The following ZFAND4 variants were observed in gnomAD, a reference collection of about 807,000 sequenced individuals.
The protein encoded by ZFAND4 is AN1-type zinc finger protein 4.
A neutral mutation model predicts 64.4 loss-of-function variants in ZFAND4; 43 were observed. That is an observed-to-expected ratio of 0.67 (90% CI 0.52 to 0.86). The LOEUF is 0.86. Among genes scored for constraint, ZFAND4 ranks in the 40% least tolerant of loss-of-function variants. The probability of loss-of-function intolerance (pLI) is 0.00; values close to 1 mark genes in which losing one functional copy is unlikely to be tolerated. For missense variants in ZFAND4, 929 were observed against 859.8 expected (o/e 1.08, Z -1.01); for synonymous variants, 296 against 305.7 (o/e 0.97, Z 0.33).
At chr10:45,628,671 G>A (rs1040205793) in intron 6 of ZFAND4, among the ~76,000 whole-genome samples, 3 of 152,122 alleles carry the variant, frequency 2.0e-5, no homozygotes, top group African/African-American at 4.8e-5. Flanking sequence ...CTTCTGGGCT[G>A]TTGAAATTAA....
rs534882632 is a variant in ZFAND4, at chr10:45,665,315, G to A, written c.-117-1473C>T. On this transcript the variant is annotated intron_variant, in intron 1 of 9. Coordinates refer to ENST00000344646, the MANE Select transcript of ZFAND4 (RefSeq NM_174890.4). The stretch of plus-strand genomic sequence containing the variant: ...AGCACGTTGGGAGGCCGAGGTGGGC[G>A]GATCACCTGAGGTCAGGAGTTCGAG... 2.5e-3 allele frequency among the ~76,000 whole-genome samples: 373 copies of A among 152,156 alleles called. 2 individuals carry two copies. Among genetic ancestry groups the A allele is most frequent in the Middle Eastern group, 0.01 (3 of 294 alleles).
At chr10:45,637,655 C>G (rs2046702489) in intron 6 of ZFAND4, among the ~76,000 whole-genome samples, 1 of 151,988 alleles carries the variant, frequency 6.6e-6, no homozygotes, top group Non-Finnish European at 1.5e-5. Context: ...GAGGCTGGGG[C>G]AGAAGAATTG....
chr10:45,652,475 C>T (rs917752591), intron 3 of ZFAND4, among the ~76,000 whole-genome samples: 2 of 152,026 alleles, frequency 1.3e-5, no homozygotes, highest in East Asian at 1.9e-4. Flanking sequence ...CTTTTCTTAA[C>T]AAAAGAGTGA....
At chr10:45,650,915 G>A (rs1564613562) in intron 4 of ZFAND4, 1 of 152,030 alleles carries the variant, frequency 6.6e-6, no homozygotes, top group Non-Finnish European at 1.5e-5. Flanking sequence ...TATTAACTTT[G>A]TTTTTCTCTA....
chr10:45,670,270 A>C (rs1399590259), intron 1 of ZFAND4, among the ~76,000 whole-genome samples: 1 of 146,342 alleles, frequency 6.8e-6, no homozygotes, highest in African/African-American at 2.6e-5. Flanking sequence ...TTTGTTGCCC[A>C]GGCTGGAGTG....
At chr10:45,619,255 G>A (rs924189150) in intron 8 of ZFAND4, among the ~76,000 whole-genome samples, 7 of 144,396 alleles carry the variant, frequency 4.8e-5, no homozygotes, top group African/African-American at 1.7e-4. Context: ...TGGTCAGTCT[G>A]GTCTGGTCTT....
chr10:45,629,795 A>C (rs576901374), intron 6 of ZFAND4, among the ~76,000 whole-genome samples: 1 of 152,200 alleles, frequency 6.6e-6, no homozygotes, highest in South Asian at 2.1e-4. Flanking sequence ...CTCAGGAGGC[A>C]GAGGTTGCAG....
chr10:45,668,656 C>T (rs1052978701), intron 1 of ZFAND4, among the ~76,000 whole-genome samples: 1 of 152,178 alleles, frequency 6.6e-6, no homozygotes, highest in Non-Finnish European at 1.5e-5. Context: ...AAGTAAAGCA[C>T]TCCTTAGCAA....
chr10:45,618,415 T>G (rs190766464), intron 8 of ZFAND4, among the ~76,000 whole-genome samples, 155 bp from the exon 9 acceptor site: 151 of 152,320 alleles, frequency 9.9e-4, no homozygotes, highest in Middle Eastern at 3.4e-3. Context: ...ACTTATAAAA[T>G]CTACAGGTCA....
chr10:45,632,908 T>C (rs2046320750), intron 6 of ZFAND4, among the ~76,000 whole-genome samples: 1 of 152,012 alleles, frequency 6.6e-6, no homozygotes, highest in Non-Finnish European at 1.5e-5. Context: ...TAAAAGTTAA[T>C]AAATAGAGAC....
At chr10:45,643,493 AC>A (rs1326689430) in intron 5 of ZFAND4, among the ~76,000 whole-genome samples, 2 of 151,126 alleles carry the variant, frequency 1.3e-5, no homozygotes, top group Non-Finnish European at 2.9e-5. Flanking sequence ...ACACGGTGAA[AC>A]CCCGTCTCTG....
intron 6 of ZFAND4, among the ~76,000 whole-genome samples, chr10:45,628,165 G>A (rs1465136157): frequency 6.6e-6 from 1 of 152,084 alleles, no homozygotes; most frequent in African/African-American, 2.4e-5. Flanking sequence ...GCATGAGGAT[G>A]GGATGGAATA....
chr10:45,626,822 T>A lies in ZFAND4; in HGVS notation c.1001A>T (p.Asn334Ile). 2 of 1,614,218 alleles carry A rather than the reference T, an allele frequency of 1.2e-6. No homozygotes were observed. Among genetic ancestry groups the A allele is most frequent in the Non-Finnish European group, 1.7e-6 (2 of 1,180,038 alleles). ...ENNTLSHFSS[N>I]VKLPPQIPHL... ...GGGTATCTGAGGAGGTAGTTTGACG[T>A]TGCTACTGAAGTGAGACAGTGTGTT... is the stretch of plus-strand genomic sequence containing the variant. Residue 334 changes from asparagine (N) to isoleucine (I), a missense_variant, in exon 7 of 10, where the codon AAC (asparagine) becomes ATC (isoleucine). Coordinates refer to ENST00000344646, the MANE Select transcript of ZFAND4 (RefSeq NM_174890.4).
Position 45,672,585 on chromosome 10 carries a change from G to C in ZFAND4, c.-453C>G, listed in dbSNP as rs2049275169. Reference sequence around the variant, plus strand: ...CGCCACTCCGGCCTTGCGCCATTCCGGCCCCACGACGGCCGGCGGCGGCAG... The same window carrying C: ...CGCCACTCCGGCCTTGCGCCATTCCCGCCCCACGACGGCCGGCGGCGGCAG... On this transcript the variant is annotated 5_prime_UTR_variant, in exon 1 of 10. Transcript: ENST00000344646. 1.3e-5 allele frequency: 2 copies of C among 151,910 alleles called. No homozygotes were observed. Among genetic ancestry groups the C allele is most frequent in the Admixed American group, 1.3e-4 (2 of 15,230 alleles). 9.4% of individuals were successfully genotyped at this position (151,910 alleles called of 1,614,324 possible).
chr10:45,653,960 C>T (rs1434577596), intron 2 of ZFAND4, among the ~76,000 whole-genome samples: 1 of 152,122 alleles, frequency 6.6e-6, no homozygotes, highest in African/African-American at 2.4e-5. Context: ...AAATGTGGTG[C>T]ATATACACCA....
At chr10:45,655,157 C>A (rs533165397) in intron 2 of ZFAND4, among the ~76,000 whole-genome samples, 26 of 152,268 alleles carry the variant, frequency 1.7e-4, no homozygotes, top group African/African-American at 5.8e-4. Context: ...AGTATCCCCC[C>A]CAGACCACAG....
In ZFAND4 at chr10:45,656,564, T is replaced by C. The variant is rs142318279; in HGVS notation, c.185-3505A>G. 2.1e-3 allele frequency among the ~76,000 whole-genome samples: 294 copies of C among 142,442 alleles called. 1 individual carries two copies. Among genetic ancestry groups the C allele is most frequent in the African/African-American group, 6.1e-3 (233 of 38,438 alleles). The allele number at this position is 142,442 out of a possible 152,430, so 93.4% of individuals were successfully genotyped here. On this transcript the variant is annotated intron_variant, in intron 2 of 9. Transcript: ENST00000344646. ...AAAGAAAGAAAAGAAACAAAAACTG[T>C]AATGGAAAACTTAAAAGCACCAGAA... is the stretch of plus-strand genomic sequence containing the variant.
At chr10:45,640,753 G>T (rs889289482) in intron 5 of ZFAND4, among the ~76,000 whole-genome samples, 4 of 152,150 alleles carry the variant, frequency 2.6e-5, no homozygotes, top group Non-Finnish European at 5.9e-5. Context: ...GCCTCCCAAA[G>T]TGCTGGGATT....
At chr10:45,629,228 A>T (rs1311510156) in intron 6 of ZFAND4, among the ~76,000 whole-genome samples, 2 of 151,982 alleles carry the variant, frequency 1.3e-5, no homozygotes, top group Non-Finnish European at 2.9e-5. Context: ...ATGCCCAGCT[A>T]ATTTTTATAT....
Sources: gnomAD v4.1 joint callset for allele counts (sites outside exome capture counted in the v4.1 genomes callset) on GRCh38, gnomAD v4.1.1 for gene constraint, MANE v1.5 for transcripts, NCBI Gene and HGNC (gene_info 2026-07-23, HGNC 2026-07-21) for gene names.